The following NBAS variants were observed in gnomAD, a reference collection of about 807,000 sequenced individuals.
NBAS encodes NBAS subunit of NRZ tethering complex.
A neutral mutation model predicts 302.5 loss-of-function variants in NBAS; 219 were observed. That is an observed-to-expected ratio of 0.72 (90% CI 0.65 to 0.81). The LOEUF (loss-of-function observed/expected upper bound fraction) is 0.81. Ranked by LOEUF, NBAS falls within the 30% of genes least tolerant of loss-of-function variation. NBAS has a pLI of 0.00. For missense variants in NBAS, 2,932 were observed against 2,841.6 expected (o/e 1.03, Z -0.72); for synonymous variants, 1,118 against 1,021.6 (o/e 1.09, Z -1.80).
At chr2:15,171,937 A>G (rs1465926026) in intron 51 of NBAS, among the ~76,000 whole-genome samples, 2 of 152,222 alleles carry the variant, frequency 1.3e-5, no homozygotes, top group Non-Finnish European at 2.9e-5. Context: ...CTGGTCTCCA[A>G]AACTGTAGGA....
chr2:15,004,907 T>C, the NBAS span, among the ~76,000 whole-genome samples: 1 of 152,090 alleles, frequency 6.6e-6, no homozygotes, highest in East Asian at 1.9e-4. Context: ...ATATTTTCAA[T>C]AGTAAAATTA....
At chr2:15,335,528 T>A (rs1421189883) in intron 35 of NBAS, among the ~76,000 whole-genome samples, 1 of 152,194 alleles carries the variant, frequency 6.6e-6, no homozygotes, top group African/African-American at 2.4e-5. Context: ...GCAATTCTGG[T>A]AATTATGTAA....
chr2:15,294,076 G>C lies in NBAS; in HGVS notation c.4798-1310C>G, dbSNP rs142145383. ...TTCTTGTGCACCTGTTATGTAACAAGTCATTCACTAAGAGGACACGGCCCT... is the reference window on the plus strand; with the variant it reads ...TTCTTGTGCACCTGTTATGTAACAACTCATTCACTAAGAGGACACGGCCCT... On this transcript the variant is annotated intron_variant, in intron 40 of 51. Transcript: ENST00000281513. Among the ~76,000 whole-genome samples the C allele has an allele frequency of 5.4e-3, 826 of 152,278 alleles. 4 individuals are homozygous for C. The highest frequency in any genetic ancestry group is 0.017 in the African/African-American group (711 of 41,536).
chr2:15,116,447 G>A, the NBAS span, among the ~76,000 whole-genome samples: 1 of 151,774 alleles, frequency 6.6e-6, no homozygotes, highest in Admixed American at 6.6e-5. Context: ...TAGAGCTCTG[G>A]TGTCTTTTCC....
the NBAS span, among the ~76,000 whole-genome samples, chr2:14,967,161 T>C: frequency 0.32 from 48,811 of 151,930 alleles, 10,474 homozygotes; most frequent in African/African-American, 0.61. Context: ...CTTAAATAAA[T>C]GGAGAAACAT....
intron 27 of NBAS, among the ~76,000 whole-genome samples, chr2:15,395,784 T>G (rs867800954): frequency 6.6e-6 from 1 of 152,052 alleles, no homozygotes. Flanking sequence ...ATACTTAAAG[T>G]TAAATGTGCA....
chr2:14,862,076 T>A, the NBAS span, among the ~76,000 whole-genome samples: 1 of 151,930 alleles, frequency 6.6e-6, no homozygotes, highest in Non-Finnish European at 1.5e-5. Context: ...GTGTGAATGC[T>A]GGAGATCATT....
rs61152926 is a variant in NBAS at position 15,229,347 on chromosome 2, C to CAAAAAAAAAAAAAAAAAAAAAAAA, written c.6236+3051_6236+3074dup. Among the ~76,000 whole-genome samples the CAAAAAAAAAAAAAAAAAAAAAAAA allele has an allele frequency of 5.2e-5, 4 of 76,870 alleles. 1 individual carries two copies. Among genetic ancestry groups the CAAAAAAAAAAAAAAAAAAAAAAAA allele is most frequent in the Non-Finnish European group, 5.4e-5 (2 of 37,182 alleles). 50.4% of individuals were successfully genotyped at this position (76,870 alleles called of 152,430 possible). A position where few individuals can be genotyped will look rare whatever the true frequency, so the allele number is the denominator to read the frequency against. On this transcript the variant is annotated intron_variant, in intron 47 of 51. Coordinates refer to ENST00000281513, the MANE Select transcript of NBAS (RefSeq NM_015909.4). ...CACTGCAAGACTCTGTCTCAAAAAA[C>CAAAAAAAAAAAAAAAAAAAAAAAA]AAAAAAAAAAAAAAAAAAAAAAAAA...
At chr2:15,375,969 A>G (rs1232065522) in intron 30 of NBAS, among the ~76,000 whole-genome samples, 1 of 152,182 alleles carries the variant, frequency 6.6e-6, no homozygotes, top group East Asian at 1.9e-4. Context: ...TTTATTCATG[A>G]TTTAAGAAAG....
chr2:15,290,538 A>T (rs534147017), intron 41 of NBAS, among the ~76,000 whole-genome samples: 1 of 152,230 alleles, frequency 6.6e-6, no homozygotes, highest in Non-Finnish European at 1.5e-5. Context: ...TTTATTCTGC[A>T]TGATAATCAC....
At chr2:15,082,911 A>C in the NBAS span, among the ~76,000 whole-genome samples, 1 of 152,254 alleles carries the variant, frequency 6.6e-6, no homozygotes, top group Non-Finnish European at 1.5e-5. Flanking sequence ...CCAGGGCTCA[A>C]ACCCAGCTTT....
chr2:15,235,526 T>C (rs1373398269), intron 45 of NBAS, among the ~76,000 whole-genome samples: 1 of 152,218 alleles, frequency 6.6e-6, no homozygotes, highest in Non-Finnish European at 1.5e-5. Flanking sequence ...ATCCTGAATA[T>C]ACTGTTTTGC....
intron 48 of NBAS, among the ~76,000 whole-genome samples, chr2:15,211,247 A>G (rs1047656620): frequency 1.3e-5 from 2 of 152,158 alleles, no homozygotes; most frequent in Admixed American, 1.3e-4. Flanking sequence ...AAAAATATAT[A>G]CACCTACTAT....
chr2:14,782,266 C>A, the NBAS span, among the ~76,000 whole-genome samples: 1 of 151,964 alleles, frequency 6.6e-6, no homozygotes, highest in Non-Finnish European at 1.5e-5. Context: ...GTTCTTAAAA[C>A]AATGTTCCCC....
the NBAS span, among the ~76,000 whole-genome samples, chr2:14,835,625 G>T: frequency 2.0e-5 from 3 of 151,968 alleles, no homozygotes; most frequent in South Asian, 6.2e-4. Flanking sequence ...TTTATGCCCG[G>T]TGTCTTGTGT....
chr2:15,469,779 T>C (rs890996710), intron 16 of NBAS, among the ~76,000 whole-genome samples: 61 of 133,602 alleles, frequency 4.6e-4, no homozygotes, highest in African/African-American at 1.4e-3. Flanking sequence ...TAGGTGGGAA[T>C]TGAACAATGA....
intron 47 of NBAS, among the ~76,000 whole-genome samples, chr2:15,219,859 C>G (rs1215327937): frequency 4.1e-5 from 6 of 145,478 alleles, no homozygotes; most frequent in Admixed American, 2.1e-4. Flanking sequence ...CAGACGGGGT[C>G]GTGGCCGGGC....
intron 50 of NBAS, among the ~76,000 whole-genome samples, chr2:15,183,890 C>T (rs1664947658): frequency 6.6e-6 from 1 of 152,132 alleles, no homozygotes; most frequent in Non-Finnish European, 1.5e-5. Context: ...CAATCACTGA[C>T]CAGATGATTC....
chr2:14,962,482 A>C, the NBAS span, among the ~76,000 whole-genome samples: 1 of 152,102 alleles, frequency 6.6e-6, no homozygotes, highest in Non-Finnish European at 1.5e-5. Context: ...ATTCTCTTTC[A>C]CCTTCCACTG....
Sources: gnomAD v4.1 joint callset for allele counts (sites outside exome capture counted in the v4.1 genomes callset) on GRCh38, gnomAD v4.1.1 for gene constraint, MANE v1.5 for transcripts, NCBI Gene and HGNC (gene_info 2026-07-23, HGNC 2026-07-21) for gene names.